CYB5A: variants seen among roughly 807,000 people sequenced by gnomAD.
CYB5A encodes cytochrome b5.
In CYB5A, 10 loss-of-function variants were observed where a neutral mutation model predicts 16.2. The ratio of observed to expected loss-of-function variants is 0.62; its 90% CI spans 0.38 to 1.04. CYB5A has a LOEUF of 1.04. Ranked by LOEUF, CYB5A falls within the 50% of genes least tolerant of loss-of-function variation. The probability of loss-of-function intolerance (pLI) is 0.01; values close to 1 mark genes in which losing one functional copy is unlikely to be tolerated. For missense variants in CYB5A, 161 were observed against 165.9 expected, an observed-to-expected ratio of 0.97 and a Z score of 0.16; for synonymous variants, 62 against 57.0, an observed-to-expected ratio of 1.09 and a Z score of -0.40.
chr18:74,254,128 C>T (rs746297378), intron 4 of CYB5A, among the ~76,000 whole-genome samples: 90 of 151,990 alleles, frequency 5.9e-4, no homozygotes, highest in Non-Finnish European at 9.7e-4. Context: ...TGCAGTGAGC[C>T]GAGATCACGC....
At chr18:74,287,592 C>T (rs1983367836) in intron 1 of CYB5A, among the ~76,000 whole-genome samples, 1 of 152,166 alleles carries the variant, frequency 6.6e-6, no homozygotes, top group African/African-American at 2.4e-5. Flanking sequence ...ATTTAAGGCT[C>T]AGGTCCAAGA....
At chr18:74,268,028 T>C (rs1008065525) in intron 1 of CYB5A, among the ~76,000 whole-genome samples, 6 of 152,194 alleles carry the variant, frequency 3.9e-5, no homozygotes, top group Middle Eastern at 3.2e-3. Context: ...CAGAGGAAGA[T>C]TTCCATTTGT....
chr18:74,261,811 AAG>A (rs1982211492), intron 2 of CYB5A: 1 of 152,196 alleles, frequency 6.6e-6, no homozygotes, highest in Admixed American at 6.5e-5. Flanking sequence ...TATATTCTTT[AAG>A]AGTTTCTCAG....
At chr18:74,256,884 T>G (rs1385591572) in intron 3 of CYB5A, 2 of 1,610,234 alleles carry the variant, frequency 1.2e-6, no homozygotes, top group Non-Finnish European at 1.7e-6. Flanking sequence ...AGGTAAGTCA[T>G]TTAAAAATAA....
At position 74,255,735 on chromosome 18, in the gene CYB5A, A is replaced by G. The variant is rs374803891; in HGVS notation, c.323+6T>C. 1.4e-5 allele frequency: 23 copies of G among 1,611,590 alleles called. No homozygotes were observed. The highest frequency in any genetic ancestry group is 2.2e-5 in the South Asian group (2 of 91,040). ...ACTACTGCTTTAAAAGAAAGCTACC[A>G]CATACCTGGAACTAGAATCAATAGT... On this transcript the variant is annotated splice_donor_region_variant and intron_variant, in intron 4 of 4. Coordinates refer to ENST00000340533, the MANE Select transcript of CYB5A (RefSeq NM_148923.4).
At chr18:74,263,230 C>G (rs895228423) in intron 2 of CYB5A, 119 bp downstream of exon 2, 2 of 1,255,108 alleles carry the variant, frequency 1.6e-6, no homozygotes, top group African/African-American at 1.5e-5. Context: ...GTCCTAAAAT[C>G]AGGAGTTGTT....
intron 1 of CYB5A, among the ~76,000 whole-genome samples, chr18:74,287,590 C>T (rs1271046999): frequency 1.3e-5 from 2 of 152,164 alleles, no homozygotes; most frequent in Admixed American, 6.5e-5. Flanking sequence ...ACATTTAAGG[C>T]TCAGGTCCAA....
intron 1 of CYB5A, among the ~76,000 whole-genome samples, chr18:74,288,911 G>A (rs1165746346): frequency 6.6e-6 from 1 of 152,208 alleles, no homozygotes; most frequent in Non-Finnish European, 1.5e-5. Flanking sequence ...GAGGTGCCCA[G>A]AGGTCAGACA....
At chr18:74,278,700 A>G (rs531014655) in intron 1 of CYB5A, among the ~76,000 whole-genome samples, 2 of 152,370 alleles carry the variant, frequency 1.3e-5, no homozygotes, top group South Asian at 2.1e-4. Context: ...CCAAGGGCAG[A>G]CAGGTCTTAT....
intron 1 of CYB5A, among the ~76,000 whole-genome samples, chr18:74,275,470 G>A (rs1344245676): frequency 1.3e-5 from 2 of 152,068 alleles, no homozygotes; most frequent in Non-Finnish European, 2.9e-5. Flanking sequence ...GAAGGGAGCG[G>A]GATGCAGTTA....
intron 1 of CYB5A, among the ~76,000 whole-genome samples, chr18:74,269,260 C>G (rs186399081): frequency 6.6e-6 from 1 of 152,146 alleles, no homozygotes; most frequent in Non-Finnish European, 1.5e-5. Flanking sequence ...GTTCTCTTCT[C>G]CTTGAATTGC....
intron 1 of CYB5A, among the ~76,000 whole-genome samples, chr18:74,288,691 G>GGA (rs1356384629): frequency 6.6e-6 from 1 of 152,156 alleles, no homozygotes; most frequent in Non-Finnish European, 1.5e-5. Context: ...TGAGCTTATT[G>GGA]GAGATATAAC....
intron 1 of CYB5A, among the ~76,000 whole-genome samples, chr18:74,268,425 G>T (rs1417182607): frequency 6.6e-6 from 1 of 152,184 alleles, no homozygotes; most frequent in Admixed American, 6.5e-5. Flanking sequence ...AGGAGAAAGG[G>T]CCAGGCCGTG....
chr18:74,270,367 C>G (rs569662076), intron 1 of CYB5A, among the ~76,000 whole-genome samples: 1 of 152,252 alleles, frequency 6.6e-6, no homozygotes, highest in South Asian at 2.1e-4. Flanking sequence ...TCGCAGTGAG[C>G]TATGACTGCA....
At chr18:74,268,182 C>T (rs1982523846) in intron 1 of CYB5A, among the ~76,000 whole-genome samples, 1 of 152,210 alleles carries the variant, frequency 6.6e-6, no homozygotes, top group Non-Finnish European at 1.5e-5. Context: ...ATAACTATGA[C>T]CATGCCACTG....
At position 74,275,301 on chromosome 18, in the gene CYB5A, T is replaced by A. The variant is rs186315430; in HGVS notation, c.130-11824A>T. Among the ~76,000 whole-genome samples, 686 of 152,194 alleles carry A rather than the reference T, an allele frequency of 4.5e-3. 6 individuals are homozygous for A. Among genetic ancestry groups the A allele is most frequent in the African/African-American group, 0.015 (615 of 41,514 alleles). On this transcript the variant is annotated intron_variant, in intron 1 of 4. Coordinates refer to ENST00000340533, the MANE Select transcript of CYB5A (RefSeq NM_148923.4). The stretch of plus-strand genomic sequence containing the variant: ...CCCAGCCTCCTTGCAGCTACATATC[T>A]CATGTGGTTAAACTCTGGCTCATGG...
At chr18:74,260,243 G>A (rs1982146732) in intron 3 of CYB5A, 1 of 152,602 alleles carries the variant, frequency 6.6e-6, no homozygotes, top group Non-Finnish European at 1.5e-5. Flanking sequence ...TTCCCCTGTA[G>A]TCCTTTAATT....
intron 1 of CYB5A, among the ~76,000 whole-genome samples, chr18:74,288,979 A>G (rs2145089521): frequency 6.6e-6 from 1 of 152,332 alleles, no homozygotes; most frequent in South Asian, 2.1e-4. Context: ...GTTGGCAGAC[A>G]GTGGAGGCAG....
intron 1 of CYB5A, chr18:74,290,862 A>G (rs945361731): frequency 2.0e-5 from 3 of 152,150 alleles, no homozygotes; most frequent in African/African-American, 7.3e-5. Flanking sequence ...GAATGTCTTC[A>G]AGTTAACCAA....
Sources: gnomAD v4.1 joint callset for allele counts (sites outside exome capture counted in the v4.1 genomes callset) on GRCh38, gnomAD v4.1.1 for gene constraint, MANE v1.5 for transcripts, NCBI Gene and HGNC (gene_info 2026-07-23, HGNC 2026-07-21) for gene names.